TBL1X: variants seen among roughly 807,000 people sequenced by gnomAD.
The protein encoded by TBL1X is transducin beta like 1 X-linked.
Under a neutral mutation model 50.7 loss-of-function variants are expected in TBL1X, and 10 were observed. The ratio of observed to expected loss-of-function variants is 0.20; its 90% CI spans 0.12 to 0.33. TBL1X has a LOEUF of 0.33. Among genes scored for constraint, TBL1X ranks in the 10% least tolerant of loss-of-function variants. TBL1X has a pLI of 1.00. For missense variants in TBL1X, 340 were observed against 504.4 expected, an observed-to-expected ratio of 0.67 and a Z score of 3.12; for synonymous variants, 190 against 214.7, an observed-to-expected ratio of 0.88 and a Z score of 1.01.
intron 2 of TBL1X, among the ~76,000 whole-genome samples, chrX:9,532,162 T>C (rs2082165557): frequency 9.0e-6 from 1 of 111,629 alleles, no homozygotes; most frequent in Non-Finnish European, 1.9e-5. Context: ...GAGCTTTGGG[T>C]GGACATTTAG....
intron 2 of TBL1X, among the ~76,000 whole-genome samples, chrX:9,508,827 T>C (rs1478363359): frequency 3.6e-5 from 4 of 110,671 alleles, no homozygotes; most frequent in Non-Finnish European, 7.6e-5. Flanking sequence ...CTCAGCAAAC[T>C]AGCACAGAAA....
At chrX:9,695,494 G>C (rs1332828222) in intron 11 of TBL1X, among the ~76,000 whole-genome samples, 1 of 112,663 alleles carries the variant, frequency 8.9e-6, no homozygotes, top group Non-Finnish European at 1.9e-5. Flanking sequence ...GCAGCACTTT[G>C]CTGTGCATTC....
At chrX:9,485,374 T>C (rs1029779482) in intron 1 of TBL1X, among the ~76,000 whole-genome samples, 1 of 112,520 alleles carries the variant, frequency 8.9e-6, no homozygotes, top group African/African-American at 3.2e-5. Context: ...GTTTGAAGCA[T>C]CAAGCTCGCA....
At chrX:9,655,023 C>G (rs1306626228) in intron 5 of TBL1X, among the ~76,000 whole-genome samples, 1 of 110,905 alleles carries the variant, frequency 9.0e-6, no homozygotes, top group Non-Finnish European at 1.9e-5. Context: ...ACAAACCTCT[C>G]AGGTGCATTG....
At chrX:9,565,944 G>A (rs958426979) in intron 2 of TBL1X, among the ~76,000 whole-genome samples, 2 of 112,315 alleles carry the variant, frequency 1.8e-5, no homozygotes, top group Non-Finnish European at 3.8e-5. Context: ...AGTGGAATTG[G>A]TGATAGATGG....
intron 2 of TBL1X, among the ~76,000 whole-genome samples, chrX:9,598,174 C>G (rs962243982): frequency 9.0e-6 from 1 of 111,525 alleles, no homozygotes; most frequent in African/African-American, 3.3e-5. Context: ...ACCCTACTGA[C>G]GCCTTGATGT....
At chrX:9,527,508 A>C (rs1466074490) in intron 2 of TBL1X, among the ~76,000 whole-genome samples, 1 of 111,634 alleles carries the variant, frequency 9.0e-6, no homozygotes, top group East Asian at 2.8e-4. Flanking sequence ...ATAGTTGTTA[A>C]ATTGGTGTCC....
At chrX:9,624,346 G>A (rs1237967856) in intron 2 of TBL1X, among the ~76,000 whole-genome samples, 2 of 111,973 alleles carry the variant, frequency 1.8e-5, no homozygotes, top group Non-Finnish European at 3.8e-5. Context: ...TCACTTAAAG[G>A]ACATCTTCAA....
At chrX:9,639,663 G>A (rs1231523114) in intron 2 of TBL1X, among the ~76,000 whole-genome samples, 2 of 111,989 alleles carry the variant, frequency 1.8e-5, no homozygotes, top group East Asian at 5.6e-4. Context: ...GACGTTAGTG[G>A]GTGCCTTTGG....
intron 3 of TBL1X, 131 bp from the exon 4 acceptor site, chrX:9,653,414 A>G (rs1386303525): frequency 2.3e-6 from 1 of 443,367 alleles, no homozygotes; most frequent in Non-Finnish European, 3.8e-6. Context: ...TTTCCTGCCC[A>G]TCCTCCCTCC....
chrX:9,558,957 C>T (rs1601756830), intron 2 of TBL1X, among the ~76,000 whole-genome samples: 1 of 112,173 alleles, frequency 8.9e-6, no homozygotes, highest in East Asian at 2.8e-4. Context: ...GGAAATGTGT[C>T]GTGTGTTTAC....
At chrX:9,623,238 A>G (rs149049717) in intron 2 of TBL1X, among the ~76,000 whole-genome samples, 155 of 112,494 alleles carry the variant, frequency 1.4e-3, no homozygotes, top group African/African-American at 4.8e-3. Flanking sequence ...AAAAAATTGA[A>G]GGATAATATG....
intron 2 of TBL1X, among the ~76,000 whole-genome samples, chrX:9,575,177 A>C (rs1215624505): frequency 9.0e-6 from 1 of 111,300 alleles, no homozygotes; most frequent in Non-Finnish European, 1.9e-5. Flanking sequence ...GGGAAGCGCC[A>C]TACTTCTAAA....
At chrX:9,503,582 C>G (rs2082012053) in intron 2 of TBL1X, among the ~76,000 whole-genome samples, 1 of 113,271 alleles carries the variant, frequency 8.8e-6, no homozygotes, top group Admixed American at 9.2e-5. Context: ...TACGCTTTTC[C>G]CCTGCTAGAG....
At chrX:9,619,248 T>C (rs1411751010) in intron 2 of TBL1X, among the ~76,000 whole-genome samples, 2 of 112,345 alleles carry the variant, frequency 1.8e-5, no homozygotes, top group African/African-American at 6.5e-5. Context: ...CTGGGAATCA[T>C]AAAAACTGAT....
intron 2 of TBL1X, among the ~76,000 whole-genome samples, chrX:9,597,915 G>A (rs1022187376): frequency 3.6e-5 from 4 of 111,859 alleles, no homozygotes; most frequent in African/African-American, 1.3e-4. Flanking sequence ...GGCTTCATGC[G>A]TTAGTCAGTG....
At chrX:9,661,753 G>A (rs1045451063) in intron 5 of TBL1X, among the ~76,000 whole-genome samples, 2 of 111,228 alleles carry the variant, frequency 1.8e-5, no homozygotes, top group Non-Finnish European at 3.8e-5. Flanking sequence ...CCTGGCAGAT[G>A]ACCCAGCAAG....
intron 1 of TBL1X, among the ~76,000 whole-genome samples, chrX:9,471,512 C>A (rs845447): frequency 0.35 from 39,192 of 111,197 alleles, 5,019 homozygotes; most frequent in South Asian, 0.52. Context: ...ACATTGGGAT[C>A]AAGTGACAGT....
chrX:9,613,465 A>G (rs745573933), intron 2 of TBL1X, among the ~76,000 whole-genome samples: 9 of 111,821 alleles, frequency 8.0e-5, no homozygotes, highest in Non-Finnish European at 1.3e-4. Flanking sequence ...GTGTGCATCT[A>G]TATTTTCCAG....
Sources: allele counts gnomAD v4.1 joint callset (sites outside exome capture counted in the v4.1 genomes callset), GRCh38; gene constraint gnomAD v4.1.1; transcripts MANE v1.5; gene names NCBI Gene and HGNC (gene_info 2026-07-23, HGNC 2026-07-21).